Variants in SRD5A2 observed in about 807,000 individuals in gnomAD.
SRD5A2 encodes steroid 5 alpha-reductase 2, also known as 3-oxo-5-alpha-steroid 4-dehydrogenase 2.
Under a neutral mutation model 27.4 loss-of-function variants are expected in SRD5A2, and 30 were observed. That is an observed-to-expected ratio of 1.10 (90% CI 0.82 to 1.49). The LOEUF (loss-of-function observed/expected upper bound fraction) is 1.49. Ranked by LOEUF, SRD5A2 falls within the 40% of genes most tolerant of loss-of-function variation. The probability of loss-of-function intolerance (pLI) is 0.00; values close to 1 mark genes in which losing one functional copy is unlikely to be tolerated. For synonymous variants in SRD5A2, 141 were observed against 133.6 expected (o/e 1.06, Z -0.38); for missense variants, 348 against 323.4 (o/e 1.08, Z -0.58).
intron 1 of SRD5A2, among the ~76,000 whole-genome samples, chr2:31,561,083 G>C (rs968849857): frequency 9.2e-5 from 14 of 152,108 alleles, no homozygotes; most frequent in African/African-American, 3.4e-4. Context: ...GGAAAGCAAA[G>C]TGATTCCCTC....
chr2:31,626,313 T>C, the SRD5A2 span, among the ~76,000 whole-genome samples: 1 of 151,936 alleles, frequency 6.6e-6, no homozygotes, highest in Non-Finnish European at 1.5e-5. Context: ...ACAGGGACAA[T>C]TTGACTTCCT....
chr2:31,529,595 T>G, intron 3 of SRD5A2, 138 bp from the exon 4 acceptor site: 1 of 1,205,974 alleles, frequency 8.3e-7, no homozygotes, highest in Non-Finnish European at 1.1e-6. Context: ...TCATAGGAGT[T>G]TGGTGGAATC....
chr2:31,569,995 T>C (rs752357348), intron 1 of SRD5A2, among the ~76,000 whole-genome samples: 22 of 152,112 alleles, frequency 1.4e-4, no homozygotes, highest in Non-Finnish European at 2.9e-4. Context: ...TCCAAAAAAT[T>C]GAGGAAGAGG....
the SRD5A2 span, among the ~76,000 whole-genome samples, chr2:31,606,156 T>C: frequency 6.6e-6 from 1 of 151,724 alleles, no homozygotes; most frequent in African/African-American, 2.4e-5. Flanking sequence ...CTGGGAAGGG[T>C]AGTGGGTGGT....
At chr2:31,637,420 T>C in the SRD5A2 span, among the ~76,000 whole-genome samples, 3 of 152,078 alleles carry the variant, frequency 2.0e-5, no homozygotes, top group African/African-American at 7.2e-5. Flanking sequence ...TAGGACTAGG[T>C]ATTACAATGT....
At chr2:31,568,758 G>A (rs558729219) in intron 1 of SRD5A2, among the ~76,000 whole-genome samples, 1 of 152,256 alleles carries the variant, frequency 6.6e-6, no homozygotes, top group South Asian at 2.1e-4. Context: ...GTGCCAAGGG[G>A]TGCTTGCAAG....
At chr2:31,608,973 T>G in the SRD5A2 span, among the ~76,000 whole-genome samples, 1 of 151,982 alleles carries the variant, frequency 6.6e-6, no homozygotes, top group Non-Finnish European at 1.5e-5. Flanking sequence ...AGAGCCCAAA[T>G]CCAATAGGAC....
chr2:31,585,477 T>G (rs1667159650), upstream of SRD5A2, among the ~76,000 whole-genome samples: 1 of 152,012 alleles, frequency 6.6e-6, no homozygotes, highest in Non-Finnish European at 1.5e-5. Context: ...CCACAACAGA[T>G]ATGGCACCAG....
At chr2:31,632,782 T>C in the SRD5A2 span, among the ~76,000 whole-genome samples, 1 of 152,052 alleles carries the variant, frequency 6.6e-6, no homozygotes, top group East Asian at 1.9e-4. Context: ...ACCCCACTCC[T>C]CTGTTAGGGA....
At chr2:31,647,821 T>C in the SRD5A2 span, among the ~76,000 whole-genome samples, 1 of 152,222 alleles carries the variant, frequency 6.6e-6, no homozygotes, top group East Asian at 1.9e-4. Context: ...AGATAATGCC[T>C]CTAAAATACA....
At chr2:31,527,894 C>T (rs1558355238) in intron 4 of SRD5A2, among the ~76,000 whole-genome samples, 1 of 152,180 alleles carries the variant, frequency 6.6e-6, no homozygotes, top group African/African-American at 2.4e-5. Context: ...TGAGTCATAA[C>T]CCCAGGGTCC....
Position 31,523,896 on chromosome 2 carries a change from C to A in SRD5A2, c.*2300G>T. The A allele has an allele frequency of 9.1e-6, 2 of 219,790 alleles. No individual in the cohort carries two copies. The highest frequency in any genetic ancestry group is 9.1e-6 in the Non-Finnish European group (1 of 109,606). 13.6% of individuals were successfully genotyped at this position (219,790 alleles called of 1,614,324 possible). On this transcript the variant is annotated 3_prime_UTR_variant, in exon 5 of 5. Coordinates refer to ENST00000622030, the MANE Select transcript of SRD5A2 (RefSeq NM_000348.4). The stretch of plus-strand genomic sequence containing the variant: ...AGAACACTGAGAATACCTGAATTAT[C>A]AAGGGAAGGTTTCAGCTTTCATAGA...
the SRD5A2 span, among the ~76,000 whole-genome samples, chr2:31,627,673 T>C: frequency 6.6e-6 from 1 of 152,152 alleles, no homozygotes; most frequent in Non-Finnish European, 1.5e-5. Context: ...TTATCCTTTT[T>C]CTCTCATTCA....
intron 1 of SRD5A2, among the ~76,000 whole-genome samples, chr2:31,534,157 A>C (rs1295358274): frequency 6.6e-6 from 1 of 152,218 alleles, no homozygotes; most frequent in Non-Finnish European, 1.5e-5. Flanking sequence ...TAATTTATCA[A>C]AAATTATAAA....
chr2:31,533,474 G>A, intron 2 of SRD5A2, 129 bp downstream of exon 2: 1 of 808,138 alleles, frequency 1.2e-6, no homozygotes, highest in Non-Finnish European at 2.0e-6. Context: ...GAAAAGATCA[G>A]GGTAGAGGTG....
chr2:31,580,212 A>C (rs1245551839), intron 1 of SRD5A2, among the ~76,000 whole-genome samples: 2 of 152,176 alleles, frequency 1.3e-5, no homozygotes, highest in Non-Finnish European at 2.9e-5. Context: ...AAGGTGAAGG[A>C]AGAAAGGGAA....
At chr2:31,532,058 C>T (rs1665919948) in intron 2 of SRD5A2, among the ~76,000 whole-genome samples, 1 of 152,086 alleles carries the variant, frequency 6.6e-6, no homozygotes, top group South Asian at 2.1e-4. Context: ...GATGTAATGC[C>T]TTGAGCTACA....
intron 1 of SRD5A2, among the ~76,000 whole-genome samples, chr2:31,569,797 G>C (rs1666816483): frequency 6.6e-6 from 1 of 151,960 alleles, no homozygotes; most frequent in Non-Finnish European, 1.5e-5. Context: ...CTTGTAGAAG[G>C]AAATATAAGA....
At chr2:31,587,689 T>G in the SRD5A2 span, among the ~76,000 whole-genome samples, 1 of 152,058 alleles carries the variant, frequency 6.6e-6, no homozygotes, top group Non-Finnish European at 1.5e-5. Flanking sequence ...TAAGTGGCAG[T>G]TGAACAATGA....
Sources: gnomAD v4.1 joint callset for allele counts (sites outside exome capture counted in the v4.1 genomes callset) on GRCh38, gnomAD v4.1.1 for gene constraint, MANE v1.5 for transcripts, NCBI Gene and HGNC (gene_info 2026-07-23, HGNC 2026-07-21) for gene names.